GPR161: variants seen among roughly 807,000 people sequenced by gnomAD.
GPR161 encodes the protein G-protein coupled receptor RE2.
GPR161 carries 25 observed loss-of-function variants against 39.2 expected under a neutral mutation model. The observed-to-expected ratio is 0.64, with a 90% confidence interval of 0.47 to 0.89. The LOEUF is 0.89. Among genes scored for constraint, GPR161 ranks in the 40% least tolerant of loss-of-function variants. The probability of loss-of-function intolerance (pLI) is 0.00; values close to 1 mark genes in which losing one functional copy is unlikely to be tolerated. For synonymous variants in GPR161, 286 were observed against 276.6 expected (o/e 1.03, Z -0.34); for missense variants, 547 against 677.8 (o/e 0.81, Z 2.14).
chr1:168,096,790 G>A lies in GPR161; in HGVS notation c.817C>T (p.Leu273=), dbSNP rs370458296. 4 of 1,614,018 alleles carry A rather than the reference G, an allele frequency of 2.5e-6. No individual in the cohort carries two copies. In the African/African-American group the frequency reaches 4.0e-5, roughly 16 times the overall value. Residue 273 remains leucine, a synonymous_variant, in exon 3 of 6, where the codon CTG becomes TTG. Transcript: ENST00000682931. ...ACCATGAAGGCACCGAGGACCACCA[G>A]GATGGTGATGAGGGCTTTGCACTGG... The part of the protein sequence containing the change: ...ANQCKALITI[L]VVLGAFMVTW...
chr1:168,128,518 C>A (rs1226645066), intron 1 of GPR161, among the ~76,000 whole-genome samples: 1 of 152,182 alleles, frequency 6.6e-6, no homozygotes, highest in East Asian at 1.9e-4. Context: ...AATTTGGGTT[C>A]ATTCTTCTCA....
At chr1:168,132,692 T>C (rs925619860) in intron 1 of GPR161, among the ~76,000 whole-genome samples, 1 of 152,182 alleles carries the variant, frequency 6.6e-6, no homozygotes, top group African/African-American at 2.4e-5. Flanking sequence ...TATTTATTTC[T>C]GAAAGAGAGA....
chr1:168,119,433 C>T (rs1043295506), intron 1 of GPR161, among the ~76,000 whole-genome samples: 2 of 151,446 alleles, frequency 1.3e-5, no homozygotes, highest in African/African-American at 2.4e-5. Flanking sequence ...CATGATTCTA[C>T]TTACATGAGG....
At chr1:168,115,707 G>A (rs910955866) in intron 1 of GPR161, among the ~76,000 whole-genome samples, 6 of 152,034 alleles carry the variant, frequency 3.9e-5, no homozygotes, top group African/African-American at 9.7e-5. Flanking sequence ...AGGTCCTGAC[G>A]CCTCTCTAAT....
chr1:168,097,339 C>CGTG, intron 2 of GPR161, 107 bp from the exon 3 acceptor site: 1 of 1,162,432 alleles, frequency 8.6e-7, no homozygotes, highest in East Asian at 2.4e-5. Context: ...TTTCTAAAAG[C>CGTG]AGCACCTTCT....
intron 3 of GPR161, among the ~76,000 whole-genome samples, chr1:168,095,489 T>C (rs1179993967): frequency 6.6e-6 from 1 of 152,120 alleles, no homozygotes; most frequent in Non-Finnish European, 1.5e-5. Flanking sequence ...TAACAAAAAA[T>C]CTAACCCCTA....
upstream of GPR161, chr1:168,137,015 GCGCCCCGCACTGCCC>G: frequency 5.0e-6 from 1 of 200,774 alleles, no homozygotes; most frequent in Non-Finnish European, 6.3e-6. Context: ...CCGCCTCCCC[GCGCCCCGCACTGCCC>G]CGCCCCGCCC....
chr1:168,081,731 C>T lies in GPR161; in HGVS notation c.*3800G>A, dbSNP rs1490953419. ...CCATCCTCACTATATCACACTTGCA[C>T]TGGGGTAAAATGAGATAAAGCATTT... On this transcript the variant is annotated 3_prime_UTR_variant, in exon 6 of 6. Transcript: ENST00000682931. 1 of 152,292 alleles carries T rather than the reference C, an allele frequency of 6.6e-6. No individual in the cohort carries two copies. Among genetic ancestry groups the T allele is most frequent in the Non-Finnish European group, 1.5e-5 (1 of 68,072 alleles). 9.4% of individuals were successfully genotyped at this position (152,292 alleles called of 1,614,324 possible).
intron 1 of GPR161, chr1:168,135,959 G>T: frequency 1.0e-6 from 1 of 958,666 alleles, no homozygotes. Context: ...GCGCAGCTAT[G>T]TGGTTACTGG....
Position 168,084,691 on chromosome 1 carries a change from A to G in GPR161, c.*840T>C, listed in dbSNP as rs1345207670. 2.7e-6 allele frequency: 1 copy of G among 375,660 alleles called. No homozygotes were observed. The highest frequency in any genetic ancestry group is 5.2e-6 in the Non-Finnish European group (1 of 193,564). The allele number at this position is 375,660 out of a possible 1,614,324, so 23.3% of individuals were successfully genotyped here. ...TGAACAAATTCCCTTCCATAATAAC[A>G]GTTTCTCTATTTCCTGGCTGTGCTT... is the stretch of plus-strand genomic sequence containing the variant. On this transcript the variant is annotated 3_prime_UTR_variant, in exon 6 of 6. Transcript: ENST00000682931.
At chr1:168,130,984 G>A (rs1698944640) in intron 1 of GPR161, among the ~76,000 whole-genome samples, 2 of 152,184 alleles carry the variant, frequency 1.3e-5, no homozygotes, top group African/African-American at 2.4e-5. Flanking sequence ...GTCACCATGG[G>A]TGTATTAATG....
intron 1 of GPR161, among the ~76,000 whole-genome samples, chr1:168,121,674 C>T (rs1318084591): frequency 1.3e-5 from 2 of 152,196 alleles, no homozygotes; most frequent in Admixed American, 6.5e-5. Flanking sequence ...CTTTCTGTGA[C>T]AGCTTTAGCA....
At chr1:168,097,701 G>A (rs112297682) in intron 2 of GPR161, among the ~76,000 whole-genome samples, 2 of 152,188 alleles carry the variant, frequency 1.3e-5, no homozygotes, top group Admixed American at 6.5e-5. Flanking sequence ...GCCAAGCACC[G>A]CGCTACCTCC....
chr1:168,137,245 C>G, upstream of GPR161: 4 of 1,483,542 alleles, frequency 2.7e-6, no homozygotes, highest in Admixed American at 2.2e-5. Flanking sequence ...TCCTCCGCCC[C>G]AGTTCCAGCC....
chr1:168,104,481 C>T lies in GPR161; in HGVS notation c.370G>A (p.Asp124Asn), dbSNP rs766974343. ...CTAAGTCTGAGGCATGCTTACCGGT[C>T]GATGGCAATGACCCCGAGGGTTAGC... ...SMLTLGVIAIDRYYAVLYPMV... is the reference protein window; with the variant it reads ...SMLTLGVIAINRYYAVLYPMV... The change falls in exon 2 of 6, where the codon GAC (aspartate) becomes AAC (asparagine). Residue 124 changes from aspartate to asparagine, a missense_variant. Physicochemically the swap from Asp to Asn is conservative, Grantham distance 23. Coordinates refer to ENST00000682931, the MANE Select transcript of GPR161 (RefSeq NM_001375883.1). 61 of 1,611,398 alleles carry T rather than the reference C, an allele frequency of 3.8e-5. No homozygotes were observed. The highest frequency in any genetic ancestry group is 4.8e-5 in the Non-Finnish European group (57 of 1,177,890).
intron 1 of GPR161, among the ~76,000 whole-genome samples, chr1:168,114,135 T>C (rs1044570290): frequency 6.6e-6 from 1 of 152,212 alleles, no homozygotes; most frequent in Non-Finnish European, 1.5e-5. Context: ...CTAGGTTCTT[T>C]CTATTATTTA....
chr1:168,136,090 G>A lies in GPR161; in HGVS notation c.-45+649C>T, dbSNP rs996007863. ...CTTGGCCCAGAAGGCGCCGAGGGCTGGTCGAGTTCTCCCCTTTCCAAGAAC... is the reference window on the plus strand; with the variant it reads ...CTTGGCCCAGAAGGCGCCGAGGGCTAGTCGAGTTCTCCCCTTTCCAAGAAC... On this transcript the variant is annotated intron_variant, in intron 1 of 5. Coordinates refer to ENST00000682931, the MANE Select transcript of GPR161 (RefSeq NM_001375883.1). 4.0e-6 allele frequency: 5 copies of A among 1,259,602 alleles called. No homozygotes were observed. The African/African-American group carries it at 6.2e-5, about 16-fold the overall frequency. The allele number at this position is 1,259,602 out of a possible 1,614,324, so 78.0% of individuals were successfully genotyped here.
At chr1:168,091,004 A>C (rs1261984668) in intron 3 of GPR161, among the ~76,000 whole-genome samples, 1 of 152,238 alleles carries the variant, frequency 6.6e-6, no homozygotes, top group African/African-American at 2.4e-5. Flanking sequence ...TTAAAGATGG[A>C]GGGTTCAACC....
intron 1 of GPR161, among the ~76,000 whole-genome samples, chr1:168,120,009 G>A (rs1048620004): frequency 1.6e-4 from 24 of 152,208 alleles, no homozygotes; most frequent in Admixed American, 5.2e-4. Context: ...TGTGGGGTTG[G>A]AGCCCCACAC....
Sources: gnomAD v4.1 joint callset for allele counts (sites outside exome capture counted in the v4.1 genomes callset) on GRCh38, gnomAD v4.1.1 for gene constraint, MANE v1.5 for transcripts, NCBI Gene and HGNC (gene_info 2026-07-23, HGNC 2026-07-21) for gene names.